The following CFAP299 variants were observed in gnomAD, a reference collection of about 807,000 sequenced individuals.
The protein encoded by CFAP299 is cilia and flagella associated protein 299, also known as cilia- and flagella-associated protein 299.
A neutral mutation model predicts 27.0 loss-of-function variants in CFAP299; 21 were observed. That is an observed-to-expected ratio of 0.78 (90% confidence interval 0.55 to 1.12). CFAP299 has a LOEUF of 1.12. Among genes scored for constraint, CFAP299 ranks in the 50% most tolerant of loss-of-function variants. The pLI, the probability that CFAP299 is intolerant of heterozygous loss-of-function variation, is 0.00. For synonymous variants in CFAP299, 104 were observed against 98.1 expected (o/e 1.06, Z -0.36); for missense variants, 310 against 276.6 (o/e 1.12, Z -0.86).
intron 2 of CFAP299, among the ~76,000 whole-genome samples, chr4:80,563,882 G>C (rs942554506): frequency 6.6e-6 from 1 of 152,002 alleles, no homozygotes; most frequent in African/African-American, 2.4e-5. Context: ...TGATACTGCA[G>C]AAATTCAAAA....
At chr4:80,435,481 C>A (rs1728021155) in intron 2 of CFAP299, among the ~76,000 whole-genome samples, 1 of 152,156 alleles carries the variant, frequency 6.6e-6, no homozygotes, top group Non-Finnish European at 1.5e-5. Flanking sequence ...TAAAGAACAA[C>A]AACATGGCCT....
intron 1 of CFAP299, among the ~76,000 whole-genome samples, chr4:80,353,351 C>T (rs1215333590): frequency 6.6e-6 from 1 of 152,206 alleles, no homozygotes; most frequent in Non-Finnish European, 1.5e-5. Flanking sequence ...CCCAATCCTG[C>T]TTTCTTCACC....
chr4:80,489,574 G>C (rs1411039144), intron 2 of CFAP299, among the ~76,000 whole-genome samples: 2 of 152,106 alleles, frequency 1.3e-5, no homozygotes, highest in Non-Finnish European at 2.9e-5. Context: ...GATGAGCCAA[G>C]TTTATGTATA....
At chr4:80,907,520 A>T (rs1735242905) in intron 4 of CFAP299, among the ~76,000 whole-genome samples, 1 of 152,184 alleles carries the variant, frequency 6.6e-6, no homozygotes, top group Non-Finnish European at 1.5e-5. Flanking sequence ...GTTTTAGTTG[A>T]TTGACAGTCC....
chr4:80,734,651 T>C (rs914610783), intron 3 of CFAP299, among the ~76,000 whole-genome samples: 1 of 152,100 alleles, frequency 6.6e-6, no homozygotes. Flanking sequence ...TATATGACAA[T>C]ACATAGGGGT....
chr4:80,656,312 G>A (rs1015326872), intron 3 of CFAP299, among the ~76,000 whole-genome samples: 4 of 150,958 alleles, frequency 2.6e-5, no homozygotes, highest in African/African-American at 9.8e-5. Context: ...TGCCATGGTG[G>A]TTTGATGCAC....
intron 3 of CFAP299, among the ~76,000 whole-genome samples, chr4:80,785,327 A>G (rs186483643): frequency 1.3e-3 from 203 of 152,264 alleles, no homozygotes; most frequent in Admixed American, 4.1e-3. Flanking sequence ...TCTATGTGGT[A>G]TCCTATTTTC....
chr4:80,789,577 A>G (rs1424648577), intron 3 of CFAP299, among the ~76,000 whole-genome samples: 2 of 152,092 alleles, frequency 1.3e-5, no homozygotes, highest in African/African-American at 4.8e-5. Flanking sequence ...TTTCACATCT[A>G]TGAGTGAATA....
Position 80,858,829 on chromosome 4 carries a change from C to G in CFAP299, c.334-11164C>G, listed in dbSNP as rs375688627. Among the ~76,000 whole-genome samples the G allele has an allele frequency of 3.8e-4, 58 of 152,052 alleles. No individual in the cohort carries two copies. In the East Asian group the frequency reaches 4.8e-3, roughly 13 times the overall value. ...TTGCTGAGGAGAGCTTTACTTCCAA[C>G]TATGTGGTCAATTTTGGAATAGGTG... On this transcript the variant is annotated intron_variant, in intron 3 of 5. Coordinates refer to ENST00000358105, the MANE Select transcript of CFAP299 (RefSeq NM_152770.3).
chr4:80,673,681 T>G (rs1033202908), intron 3 of CFAP299, among the ~76,000 whole-genome samples: 2 of 152,170 alleles, frequency 1.3e-5, no homozygotes, highest in African/African-American at 4.8e-5. Flanking sequence ...AGGACTTGCT[T>G]TATGAATCTT....
At chr4:80,789,038 G>A (rs976267278) in intron 3 of CFAP299, among the ~76,000 whole-genome samples, 4 of 152,008 alleles carry the variant, frequency 2.6e-5, no homozygotes, top group Non-Finnish European at 5.9e-5. Context: ...TACAGTTCTT[G>A]AATAATGTTA....
At chr4:80,823,616 A>G (rs1165233089) in intron 3 of CFAP299, among the ~76,000 whole-genome samples, 1 of 152,140 alleles carries the variant, frequency 6.6e-6, no homozygotes, top group Non-Finnish European at 1.5e-5. Context: ...ATCTTCAGGA[A>G]CCTCATTATG....
intron 3 of CFAP299, among the ~76,000 whole-genome samples, chr4:80,584,708 C>T (rs1270892786): frequency 6.6e-6 from 1 of 151,974 alleles, no homozygotes; most frequent in Admixed American, 6.6e-5. Flanking sequence ...TCAACAAAAC[C>T]CATGAGCCTA....
intron 3 of CFAP299, among the ~76,000 whole-genome samples, chr4:80,608,667 T>G (rs975372723): frequency 6.6e-6 from 1 of 152,166 alleles, no homozygotes; most frequent in Non-Finnish European, 1.5e-5. Context: ...TCTTATATTT[T>G]AAAATCTTAT....
intron 3 of CFAP299, among the ~76,000 whole-genome samples, chr4:80,821,977 G>A (rs1430462797): frequency 1.3e-5 from 2 of 152,066 alleles, no homozygotes; most frequent in Non-Finnish European, 2.9e-5. Context: ...CCTGCCAAGA[G>A]AGCTAATAAA....
At chr4:80,668,851 GC>G (rs1190317794) in intron 3 of CFAP299, among the ~76,000 whole-genome samples, 1 of 152,026 alleles carries the variant, frequency 6.6e-6, no homozygotes, top group Non-Finnish European at 1.5e-5. Flanking sequence ...CTTCTGTGAA[GC>G]ATGACATTGT....
At chr4:80,828,904 C>T (rs2110129833) in intron 3 of CFAP299, among the ~76,000 whole-genome samples, 1 of 152,002 alleles carries the variant, frequency 6.6e-6, no homozygotes, top group African/African-American at 2.4e-5. Context: ...TGAAGTTGGA[C>T]TCTTAACTAA....
At chr4:80,352,877 AAAC>A (rs1723082579) in intron 1 of CFAP299, among the ~76,000 whole-genome samples, 1 of 152,148 alleles carries the variant, frequency 6.6e-6, no homozygotes, top group African/African-American at 2.4e-5. Flanking sequence ...GTAAAAAAGA[AAAC>A]AAAATATATA....
At chr4:80,490,098 A>G (rs1731038019) in intron 2 of CFAP299, among the ~76,000 whole-genome samples, 1 of 152,190 alleles carries the variant, frequency 6.6e-6, no homozygotes, top group Non-Finnish European at 1.5e-5. Flanking sequence ...CAGCTGCTTC[A>G]GATATTAATT....
Sources: gnomAD v4.1 joint callset for allele counts (sites outside exome capture counted in the v4.1 genomes callset) on GRCh38, gnomAD v4.1.1 for gene constraint, MANE v1.5 for transcripts, NCBI Gene and HGNC (gene_info 2026-07-23, HGNC 2026-07-21) for gene names.